STXBP6: variants seen among roughly 807,000 people sequenced by gnomAD.
STXBP6 encodes syntaxin-binding protein 6.
A neutral mutation model predicts 26.9 loss-of-function variants in STXBP6; 21 were observed. The observed-to-expected ratio is 0.78, with a 90% CI of 0.55 to 1.12. The LOEUF (loss-of-function observed/expected upper bound fraction) is 1.12, where lower values mean the gene tolerates loss of function less well. STXBP6 is among the 50% of genes most tolerant of loss of function. The pLI, the probability that STXBP6 is intolerant of heterozygous loss-of-function variation, is 0.00. For synonymous variants in STXBP6, 97 were observed against 92.6 expected, an observed-to-expected ratio of 1.05 and a Z score of -0.27; for missense variants, 232 against 257.9, an observed-to-expected ratio of 0.90 and a Z score of 0.69.
intron 1 of STXBP6, among the ~76,000 whole-genome samples, chr14:25,001,337 TCTC>T (rs970984456): frequency 5.9e-5 from 9 of 152,288 alleles, no homozygotes; most frequent in African/African-American, 2.2e-4. Context: ...CTGGCATAGA[TCTC>T]CTAAAACCTG....
intron 2 of STXBP6, among the ~76,000 whole-genome samples, chr14:24,909,115 C>T (rs770873279): frequency 3.9e-5 from 6 of 152,186 alleles, no homozygotes; most frequent in Non-Finnish European, 8.8e-5. Context: ...TAAATTTGTT[C>T]GAATCTGCAT....
chr14:24,920,316 C>T (rs2071934107), intron 2 of STXBP6, among the ~76,000 whole-genome samples: 1 of 151,982 alleles, frequency 6.6e-6, no homozygotes, highest in Admixed American at 6.6e-5. Flanking sequence ...AATAACAAGA[C>T]TGCCATTTAC....
chr14:25,040,405 T>C (rs866543560), intron 1 of STXBP6, among the ~76,000 whole-genome samples: 1 of 152,182 alleles, frequency 6.6e-6, no homozygotes, highest in South Asian at 2.1e-4. Flanking sequence ...TGCTACATAG[T>C]ACTGCAGGAC....
At chr14:24,875,765 A>C (rs1566434497) in intron 2 of STXBP6, among the ~76,000 whole-genome samples, 1 of 152,190 alleles carries the variant, frequency 6.6e-6, no homozygotes, top group Non-Finnish European at 1.5e-5. Flanking sequence ...AACATTCATC[A>C]AAAAATATTT....
intron 2 of STXBP6, among the ~76,000 whole-genome samples, chr14:24,943,993 G>A (rs56131804): frequency 0.8 from 121,684 of 151,706 alleles, 48,861 homozygotes; most frequent in African/African-American, 0.85. Context: ...CTCCCCAAAA[G>A]TTTTAAACAG....
At chr14:24,856,234 G>C (rs1056821791) in intron 3 of STXBP6, 133 bp from the exon 4 acceptor site, 6 of 860,532 alleles carry the variant, frequency 7.0e-6, no homozygotes, top group East Asian at 2.9e-5. Context: ...CTTTATCCAA[G>C]TGTATGGAGA....
chr14:24,860,803 A>C (rs964843561), intron 2 of STXBP6, among the ~76,000 whole-genome samples: 21 of 151,896 alleles, frequency 1.4e-4, no homozygotes, highest in African/African-American at 5.1e-4. Flanking sequence ...AAAAGGGGTA[A>C]AAGAAAAACA....
intron 2 of STXBP6, among the ~76,000 whole-genome samples, chr14:24,866,662 T>TA (rs2069733357): frequency 6.6e-6 from 1 of 151,832 alleles, no homozygotes; most frequent in Non-Finnish European, 1.5e-5. Flanking sequence ...TATAGAAATG[T>TA]AAAAATACCT....
At chr14:24,896,009 G>A (rs2070977362) in intron 2 of STXBP6, among the ~76,000 whole-genome samples, 1 of 152,158 alleles carries the variant, frequency 6.6e-6, no homozygotes, top group African/African-American at 2.4e-5. Flanking sequence ...AGAAGAGTGT[G>A]GGGTGTCTTT....
intron 1 of STXBP6, among the ~76,000 whole-genome samples, chr14:25,032,065 C>T (rs930998331): frequency 6.6e-6 from 1 of 151,950 alleles, no homozygotes; most frequent in Admixed American, 6.5e-5. Context: ...TTTGAAGTGA[C>T]AGAGATGGAA....
intron 2 of STXBP6, among the ~76,000 whole-genome samples, chr14:24,868,596 C>T (rs150497864): frequency 0.018 from 2,712 of 152,110 alleles, 31 homozygotes; most frequent in Middle Eastern, 0.027. Flanking sequence ...TTATGGAGAC[C>T]CTGGTGAACA....
intron 4 of STXBP6, among the ~76,000 whole-genome samples, chr14:24,833,964 AATAC>A (rs2068536444): frequency 6.6e-6 from 1 of 152,182 alleles, no homozygotes; most frequent in Non-Finnish European, 1.5e-5. Context: ...CCTCTGTTTA[AATAC>A]CACTTTGAAA....
chr14:24,922,261 C>T (rs928737197), intron 2 of STXBP6, among the ~76,000 whole-genome samples: 4 of 151,958 alleles, frequency 2.6e-5, no homozygotes, highest in Non-Finnish European at 2.9e-5. Flanking sequence ...AACCAACTCC[C>T]TAGCTCTATA....
chr14:24,934,945 ATTTAC>A (rs1223045080), intron 2 of STXBP6, among the ~76,000 whole-genome samples: 1 of 152,094 alleles, frequency 6.6e-6, no homozygotes, highest in Non-Finnish European at 1.5e-5. Flanking sequence ...AAAATACTTG[ATTTAC>A]TTTACATTTA....
chr14:24,919,440 TA>T lies in STXBP6; in HGVS notation c.154+55224del, dbSNP rs59604566. On this transcript the variant is annotated intron_variant, in intron 2 of 5. Coordinates refer to ENST00000323944, the MANE Select transcript of STXBP6 (RefSeq NM_001394410.1). ...ATAACTGATAAATAAATGCGAAAAA[TA>T]AAAAAAAAACAAATTTTAAGTTACC... Among the ~76,000 whole-genome samples, 86 of 145,200 alleles carry T rather than the reference TA, an allele frequency of 5.9e-4. No individual in the cohort carries two copies. In the East Asian group the frequency reaches 0.011, roughly 19 times the overall value.
intron 2 of STXBP6, among the ~76,000 whole-genome samples, chr14:24,966,946 C>T (rs948206502): frequency 1.1e-4 from 17 of 152,176 alleles, no homozygotes; most frequent in Admixed American, 3.9e-4. Context: ...AGAGTAATAT[C>T]GAGACATGAT....
At chr14:24,866,124 C>T (rs2069710156) in intron 2 of STXBP6, among the ~76,000 whole-genome samples, 1 of 152,066 alleles carries the variant, frequency 6.6e-6, no homozygotes, top group South Asian at 2.1e-4. Context: ...GCACATGACC[C>T]TCCTTGATGT....
intron 2 of STXBP6, among the ~76,000 whole-genome samples, chr14:24,936,310 A>G (rs999398782): frequency 6.6e-6 from 1 of 152,226 alleles, no homozygotes; most frequent in African/African-American, 2.4e-5. Flanking sequence ...AACAAAACAA[A>G]ACAAAAAACC....
At chr14:24,964,487 C>T (rs890469031) in intron 2 of STXBP6, among the ~76,000 whole-genome samples, 1 of 152,174 alleles carries the variant, frequency 6.6e-6, no homozygotes, top group African/African-American at 2.4e-5. Context: ...TCTCTCCCTC[C>T]CTGTCTCTTC....
Sources: allele counts gnomAD v4.1 joint callset (sites outside exome capture counted in the v4.1 genomes callset), GRCh38; gene constraint gnomAD v4.1.1; transcripts MANE v1.5; gene names NCBI Gene and HGNC (gene_info 2026-07-23, HGNC 2026-07-21).